SVEP1: variants seen among roughly 807,000 people sequenced by gnomAD.
The protein encoded by SVEP1 is sushi, von Willebrand factor type A, EGF and pentraxin domain-containing protein 1.
SVEP1 carries 164 observed loss-of-function variants against 367.3 expected under a neutral mutation model. That is an observed-to-expected ratio of 0.45 (90% CI 0.39 to 0.51). The LOEUF (loss-of-function observed/expected upper bound fraction) is 0.51. Ranked by LOEUF, SVEP1 falls within the 20% of genes least tolerant of loss-of-function variation. The pLI, the probability that SVEP1 is intolerant of heterozygous loss-of-function variation, is 0.00. For missense variants in SVEP1, 4,117 were observed against 4,425.3 expected (o/e 0.93, Z 1.98); for synonymous variants, 1,666 against 1,611.6 (o/e 1.03, Z -0.81).
At chr9:110,413,718 T>C (rs1456079002) in intron 36 of SVEP1, among the ~76,000 whole-genome samples, 2 of 151,910 alleles carry the variant, frequency 1.3e-5, no homozygotes, top group Non-Finnish European at 2.9e-5. Context: ...GTCAATGAGA[T>C]AGAACAAAAG....
At chr9:110,532,742 G>A (rs1289786821) in intron 3 of SVEP1, among the ~76,000 whole-genome samples, 1 of 152,090 alleles carries the variant, frequency 6.6e-6, no homozygotes, top group Non-Finnish European at 1.5e-5. Context: ...CTCAGGGGCT[G>A]TCTGGGGCAC....
Position 110,435,242 on chromosome 9 carries a change from A to G in SVEP1, c.4887T>C (p.Ser1629=), listed in dbSNP as rs1828415485. ...VKIDSKSIFC[S]DCPRLGGSVP... ...TCTATGAAAGAAGGAAATTCTCACC[A>G]GAACAAAATATGCTCTTAGAATCGA... Residue 1629 remains serine, a splice_region_variant and synonymous_variant, in exon 29 of 48, where the codon TCT becomes TCC. Coordinates refer to ENST00000374469, the MANE Select transcript of SVEP1 (RefSeq NM_153366.4). The G allele has an allele frequency of 4.3e-6, 7 of 1,612,692 alleles. No homozygotes were observed. The South Asian group carries it at 7.7e-5, about 18-fold the overall frequency.
At chr9:110,446,629 A>G (rs1370334824) in intron 25 of SVEP1, among the ~76,000 whole-genome samples, 1 of 152,236 alleles carries the variant, frequency 6.6e-6, no homozygotes, top group Non-Finnish European at 1.5e-5. Context: ...TATCATTTCT[A>G]TTATAAATAA....
At position 110,464,703 on chromosome 9, in the gene SVEP1, T is replaced by C. The variant is rs1008019796; in HGVS notation, c.3322+1162A>G. ...TCAATGTGGGAACAGCTTCTTCATT[T>C]CTCAGTTGCCATAGACCTTAGGTTT... On this transcript the variant is annotated intron_variant, in intron 18 of 47. Coordinates refer to ENST00000374469, the MANE Select transcript of SVEP1 (RefSeq NM_153366.4). Among the ~76,000 whole-genome samples, 3 of 152,148 alleles carry C rather than the reference T, an allele frequency of 2.0e-5. No homozygotes were observed. In the East Asian group the frequency reaches 5.8e-4, roughly 29 times the overall value.
At chr9:110,503,318 T>G in intron 5 of SVEP1, 101 bp from the exon 6 acceptor site, 1 of 1,250,326 alleles carries the variant, frequency 8.0e-7, no homozygotes, top group Non-Finnish European at 1.1e-6. Context: ...AAGACAATTT[T>G]CTTTTCTTAA....
At position 110,379,079 on chromosome 9, in the gene SVEP1, A is replaced by G. The variant is rs537386890; in HGVS notation, c.10408+268T>C. On this transcript the variant is annotated intron_variant, in intron 44 of 47. Transcript: ENST00000374469. ...TGATGTATAAAAATCATATTTTATT[A>G]TAAAAGTGTAAGTTTTAGAAGGATA... is the stretch of plus-strand genomic sequence containing the variant. 3.3e-5 allele frequency among the ~76,000 whole-genome samples: 5 copies of G among 152,334 alleles called. No individual in the cohort carries two copies. In the South Asian group the frequency reaches 1.0e-3, roughly 32 times the overall value.
intron 43 of SVEP1, among the ~76,000 whole-genome samples, chr9:110,385,279 C>CTGGCAGTGAGATGTTTT (rs1335493781): frequency 6.6e-6 from 1 of 152,224 alleles, no homozygotes; most frequent in Non-Finnish European, 1.5e-5. Flanking sequence ...CCGCACCCAG[C>CTGGCAGTGAGATGTTTT]TGGCAGTGAG....
intron 9 of SVEP1, among the ~76,000 whole-genome samples, chr9:110,487,741 A>G (rs1267380846): frequency 1.3e-5 from 2 of 152,202 alleles, no homozygotes; most frequent in East Asian, 1.9e-4. Context: ...TATGGTAGGC[A>G]CTAGATCAAG....
chr9:110,513,047 G>A lies in SVEP1; in HGVS notation c.1182C>T (p.Cys394=), dbSNP rs1200092634. The change falls in exon 5 of 48, where the codon TGC becomes TGT. Residue 394 remains cysteine (C), a synonymous_variant. Coordinates refer to ENST00000374469, the MANE Select transcript of SVEP1 (RefSeq NM_153366.4). ...CACAGGCTGCATTGAAGTGGTTGTT[G>A]CAAGTGTTTTGGATAAAGTAACCAT... ...PENGYFIQNT[C]NNHFNAACGV... is the part of the protein sequence containing the mutation. 1 of 1,613,904 alleles carries A rather than the reference G, an allele frequency of 6.2e-7. No homozygotes were observed. Among genetic ancestry groups the A allele is most frequent in the African/African-American group, 1.3e-5 (1 of 74,932 alleles).
chr9:110,506,717 G>C (rs1288418083), intron 5 of SVEP1, among the ~76,000 whole-genome samples: 1 of 152,174 alleles, frequency 6.6e-6, no homozygotes, highest in East Asian at 1.9e-4. Context: ...TTCTAACTTA[G>C]ACTCTCTCCA....
At position 110,511,487 on chromosome 9, in the gene SVEP1, C is replaced by CATTTTTTTT. The variant is rs1564163441; in HGVS notation, c.1303+1438_1303+1439insAAAAAAAAT. Among the ~76,000 whole-genome samples, 6 of 69,538 alleles carry CATTTTTTTT rather than the reference C, an allele frequency of 8.6e-5. 1 individual carries two copies. Among genetic ancestry groups the CATTTTTTTT allele is most frequent in the Non-Finnish European group, 5.4e-5 (2 of 36,908 alleles). 45.6% of individuals were successfully genotyped at this position (69,538 alleles called of 152,430 possible). A position where few individuals can be genotyped will look rare whatever the true frequency, so the allele number is the denominator to read the frequency against. ...ACTAGGTCCATTCATTGTGTCAGTA[C>CATTTTTTTT]CTTTTTTTTTTTTTTTTTTTTTTTT... On this transcript the variant is annotated intron_variant, in intron 5 of 47. Transcript: ENST00000374469.
intron 3 of SVEP1, among the ~76,000 whole-genome samples, chr9:110,543,336 T>G (rs1387992694): frequency 2.0e-5 from 3 of 152,214 alleles, no homozygotes; most frequent in Non-Finnish European, 2.9e-5. Context: ...TCAGTATCAG[T>G]AAGCTGAGGC....
Position 110,366,518 on chromosome 9 carries a change from A to G in SVEP1, c.*21T>C. 1 of 1,549,366 alleles carries G rather than the reference A, an allele frequency of 6.5e-7. No individual in the cohort carries two copies. Among genetic ancestry groups the G allele is most frequent in the Non-Finnish European group, 8.7e-7 (1 of 1,150,144 alleles). ...GGAGAGATGATCCTGCTTTTGGGAGAGCCAGATGGTCGTGCAGTGGTTAAA... is the reference window on the plus strand; with the variant it reads ...GGAGAGATGATCCTGCTTTTGGGAGGGCCAGATGGTCGTGCAGTGGTTAAA... On this transcript the variant is annotated 3_prime_UTR_variant, in exon 48 of 48. Transcript: ENST00000374469.
chr9:110,473,249 C>G (rs940886624), intron 14 of SVEP1, among the ~76,000 whole-genome samples: 1 of 152,044 alleles, frequency 6.6e-6, no homozygotes, highest in Non-Finnish European at 1.5e-5. Flanking sequence ...GGATTAATAT[C>G]ATCTTTTTAC....
chr9:110,395,100 G>T (rs1296914443), intron 40 of SVEP1, among the ~76,000 whole-genome samples: 1 of 152,202 alleles, frequency 6.6e-6, no homozygotes, highest in African/African-American at 2.4e-5. Context: ...AGCAGCCAGA[G>T]AGAAAGGTCA....
At chr9:110,578,506 T>A (rs7874052) in intron 1 of SVEP1, among the ~76,000 whole-genome samples, 46,645 of 152,090 alleles carry the variant, frequency 0.31, 8,568 homozygotes, top group East Asian at 0.57. Flanking sequence ...AGACACACTT[T>A]ACAAAAGTCC....
chr9:110,570,467 C>CGT (rs59503025), intron 1 of SVEP1, among the ~76,000 whole-genome samples: 13,082 of 146,808 alleles, frequency 0.089, 565 homozygotes, highest in African/African-American at 0.1. Context: ...GTTTCTGTTG[C>CGT]GTGTGTGTGT....
At chr9:110,532,365 G>A (rs901739768) in intron 3 of SVEP1, among the ~76,000 whole-genome samples, 27 of 152,170 alleles carry the variant, frequency 1.8e-4, no homozygotes, top group Admixed American at 1.3e-4. Context: ...AGGGAGAAGG[G>A]ATGAGAGGAA....
intron 1 of SVEP1, among the ~76,000 whole-genome samples, chr9:110,567,095 C>T (rs1830502101): frequency 6.6e-6 from 1 of 152,166 alleles, no homozygotes; most frequent in Non-Finnish European, 1.5e-5. Context: ...CAGGAAAACA[C>T]AATATAATGC....
Sources: gnomAD v4.1 joint callset for allele counts (sites outside exome capture counted in the v4.1 genomes callset) on GRCh38, gnomAD v4.1.1 for gene constraint, MANE v1.5 for transcripts, NCBI Gene and HGNC (gene_info 2026-07-23, HGNC 2026-07-21) for gene names.